Variants in DOCK2 observed in about 807,000 individuals in gnomAD.
DOCK2 encodes the protein dedicator of cytokinesis protein 2.
Under a neutral mutation model 248.9 loss-of-function variants are expected in DOCK2, and 87 were observed. That is an observed-to-expected ratio of 0.35 (90% CI 0.29 to 0.42). The LOEUF (loss-of-function observed/expected upper bound fraction) is 0.42, where lower values mean the gene tolerates loss of function less well. Ranked by LOEUF, DOCK2 falls within the 10% of genes least tolerant of loss-of-function variation. The pLI is 1.00. For missense variants in DOCK2, 1,747 were observed against 2,300.2 expected, an observed-to-expected ratio of 0.76 and a Z score of 4.92; for synonymous variants, 805 against 821.6, an observed-to-expected ratio of 0.98 and a Z score of 0.35.
At chr5:169,975,479 G>A (rs1244401589) in intron 27 of DOCK2, among the ~76,000 whole-genome samples, 2 of 152,116 alleles carry the variant, frequency 1.3e-5, no homozygotes, top group East Asian at 3.9e-4. Context: ...CATCATATAC[G>A]GAGCCTTCCC....
chr5:169,735,526 C>T (rs1381694645), intron 22 of DOCK2, among the ~76,000 whole-genome samples: 1 of 152,194 alleles, frequency 6.6e-6, no homozygotes, highest in African/African-American at 2.4e-5. Flanking sequence ...TTTACCTTTT[C>T]ATTGCCCACG....
At chr5:169,926,085 C>G (rs1775436096) in intron 27 of DOCK2, among the ~76,000 whole-genome samples, 1 of 152,138 alleles carries the variant, frequency 6.6e-6, no homozygotes, top group Admixed American at 6.5e-5. Context: ...GAGAATTTCT[C>G]TCTTAGAGAC....
In DOCK2 at chr5:169,811,116, T is replaced by A. The variant is rs541856048; in HGVS notation, c.2703+7910T>A. On this transcript the variant is annotated intron_variant, in intron 26 of 51. Coordinates refer to ENST00000520908, the MANE Select transcript of DOCK2 (RefSeq NM_004946.3). The stretch of plus-strand genomic sequence containing the variant: ...GAATCCCGATGGGAGGGGAGGGGAC[T>A]GCGGCATGAGCATGAATCCTCCAGA... 2.0e-5 allele frequency among the ~76,000 whole-genome samples: 3 copies of A among 152,146 alleles called. No homozygotes were observed. The South Asian group carries it at 6.2e-4, about 32-fold the overall frequency.
intron 22 of DOCK2, among the ~76,000 whole-genome samples, chr5:169,732,834 G>A (rs1454661479): frequency 6.6e-6 from 1 of 152,002 alleles, no homozygotes; most frequent in Admixed American, 6.6e-5. Context: ...AAGGTTTTTG[G>A]ATTTCCTAAA....
intron 27 of DOCK2, among the ~76,000 whole-genome samples, chr5:169,907,859 G>A (rs1483971062): frequency 1.3e-5 from 2 of 152,210 alleles, no homozygotes; most frequent in African/African-American, 4.8e-5. Context: ...AGTGGGTAGA[G>A]GGCAGGGATG....
intron 27 of DOCK2, chr5:169,883,058 G>T: frequency 6.4e-7 from 1 of 1,551,558 alleles, no homozygotes; most frequent in Non-Finnish European, 8.7e-7. Context: ...TTGTCTTTGG[G>T]CAAAAGCAAT....
intron 27 of DOCK2, among the ~76,000 whole-genome samples, chr5:169,895,532 C>A (rs1773546885): frequency 6.6e-6 from 1 of 152,106 alleles, no homozygotes; most frequent in Non-Finnish European, 1.5e-5. Flanking sequence ...TTCACGCATC[C>A]TCTTCTTTTG....
rs561266992 is a variant in DOCK2, at chr5:169,903,658, A to G, written c.2799+62806A>G. On this transcript the variant is annotated intron_variant, in intron 27 of 51. Coordinates refer to ENST00000520908, the MANE Select transcript of DOCK2 (RefSeq NM_004946.3). Reference sequence around the variant, plus strand: ...GAAGCAGGGCTCTTTTGTGGAACTGATAGAAGTTCAGACTTCCTAGAGGGT... The same window carrying G: ...GAAGCAGGGCTCTTTTGTGGAACTGGTAGAAGTTCAGACTTCCTAGAGGGT... 1.6e-4 allele frequency among the ~76,000 whole-genome samples: 24 copies of G among 152,262 alleles called. No homozygotes were observed. In the East Asian group the frequency reaches 2.9e-3, roughly 18 times the overall value.
intron 6 of DOCK2, among the ~76,000 whole-genome samples, chr5:169,677,726 T>C (rs1462401386): frequency 6.6e-6 from 1 of 152,182 alleles, no homozygotes; most frequent in Non-Finnish European, 1.5e-5. Flanking sequence ...AAGTGCAGGC[T>C]CTGCTGCTCG....
intron 6 of DOCK2, among the ~76,000 whole-genome samples, chr5:169,675,016 T>C (rs1759252286): frequency 6.6e-6 from 1 of 152,226 alleles, no homozygotes; most frequent in South Asian, 2.1e-4. Context: ...TCAGAGCTCA[T>C]TGTACACCAG....
At chr5:169,691,078 G>T (rs1314021241) in intron 9 of DOCK2, among the ~76,000 whole-genome samples, 1 of 152,076 alleles carries the variant, frequency 6.6e-6, no homozygotes, top group Non-Finnish European at 1.5e-5. Context: ...CTCGACTTCT[G>T]GGGGGGCCTC....
chr5:169,696,898 G>T lies in DOCK2; in HGVS notation c.979+960G>T, dbSNP rs564557394. Reference sequence around the variant, plus strand: ...ATATTGGGCAAGCATTTTCCCCAGAGCCTTAGTTTTATTATGTGCAAAATG... The same window carrying T: ...ATATTGGGCAAGCATTTTCCCCAGATCCTTAGTTTTATTATGTGCAAAATG... On this transcript the variant is annotated intron_variant, in intron 10 of 51. Transcript: ENST00000520908. 2.6e-4 allele frequency among the ~76,000 whole-genome samples: 39 copies of T among 151,824 alleles called. 1 individual carries two copies. The South Asian group carries it at 7.7e-3, about 30-fold the overall frequency.
intron 38 of DOCK2, 43 bp from the exon 39 acceptor site, chr5:170,045,773 C>T: frequency 6.3e-7 from 1 of 1,596,852 alleles, no homozygotes; most frequent in Non-Finnish European, 8.6e-7. Flanking sequence ...CTCTGCAAAC[C>T]CGGTGGTGCC....
At chr5:169,835,057 G>A (rs1305365609) in intron 26 of DOCK2, among the ~76,000 whole-genome samples, 1 of 152,108 alleles carries the variant, frequency 6.6e-6, no homozygotes, top group Non-Finnish European at 1.5e-5. Flanking sequence ...TGGTGGGGGG[G>A]TGGCATGAAA....
chr5:169,969,111 C>T (rs1461471817), intron 27 of DOCK2, among the ~76,000 whole-genome samples: 2 of 152,114 alleles, frequency 1.3e-5, no homozygotes, highest in Non-Finnish European at 2.9e-5. Flanking sequence ...GATCATGCCA[C>T]TGCACTCACC....
chr5:170,007,373 A>C (rs1755072702), intron 30 of DOCK2, among the ~76,000 whole-genome samples: 1 of 152,204 alleles, frequency 6.6e-6, no homozygotes, highest in Admixed American at 6.5e-5. Flanking sequence ...CCAAAACCCT[A>C]GGCTGTATCA....
chr5:169,867,505 A>T (rs1412334611), intron 27 of DOCK2, among the ~76,000 whole-genome samples: 2 of 151,674 alleles, frequency 1.3e-5, no homozygotes, highest in African/African-American at 4.9e-5. Flanking sequence ...ATCATCTATT[A>T]TCTATTTATC....
intron 27 of DOCK2, among the ~76,000 whole-genome samples, chr5:169,898,372 T>G (rs1581380644): frequency 6.6e-6 from 1 of 152,184 alleles, no homozygotes; most frequent in East Asian, 1.9e-4. Context: ...GTTAGGAGCA[T>G]AGGTTCTAGA....
chr5:169,679,081 AGGCT>A (rs1759505111), intron 6 of DOCK2, among the ~76,000 whole-genome samples: 2 of 152,034 alleles, frequency 1.3e-5, no homozygotes. Flanking sequence ...ACAGATTTTT[AGGCT>A]GGCATATGCA....
Sources: gnomAD v4.1 joint callset for allele counts (sites outside exome capture counted in the v4.1 genomes callset) on GRCh38, gnomAD v4.1.1 for gene constraint, MANE v1.5 for transcripts, NCBI Gene and HGNC (gene_info 2026-07-23, HGNC 2026-07-21) for gene names.